Variants in LUZP2 observed in about 807,000 individuals in gnomAD.
LUZP2 encodes leucine zipper protein 2.
LUZP2 carries 52 observed loss-of-function variants against 51.6 expected under a neutral mutation model. The ratio of observed to expected loss-of-function variants is 1.01; its 90% CI spans 0.81 to 1.27. The LOEUF is 1.27. Ranked by LOEUF, LUZP2 falls within the 50% of genes most tolerant of loss-of-function variation. LUZP2 has a pLI of 0.00. For missense variants in LUZP2, 436 were observed against 395.4 expected (o/e 1.10, Z -0.87); for synonymous variants, 154 against 137.3 (o/e 1.12, Z -0.85).
intron 5 of LUZP2, among the ~76,000 whole-genome samples, chr11:24,812,305 G>A (rs1406780343): frequency 6.6e-6 from 1 of 152,120 alleles, no homozygotes. Context: ...ACACAGGTCA[G>A]TTGAAAAGCT....
intron 1 of LUZP2, among the ~76,000 whole-genome samples, chr11:24,577,274 C>T (rs1852682638): frequency 6.6e-6 from 1 of 151,912 alleles, no homozygotes; most frequent in African/African-American, 2.4e-5. Context: ...AAAATTATGA[C>T]TTCATGAAAA....
intron 2 of LUZP2, among the ~76,000 whole-genome samples, chr11:24,730,495 G>A (rs1233844213): frequency 6.6e-6 from 1 of 151,732 alleles, no homozygotes; most frequent in Non-Finnish European, 1.5e-5. Flanking sequence ...TATGATGGAA[G>A]CATGCACAGA....
rs1859479144 is a variant in LUZP2 at position 25,082,452 on chromosome 11, A to C, written c.*3794A>C. The C allele has an allele frequency of 6.6e-6, 1 of 152,614 alleles. No homozygotes were observed. The highest frequency in any genetic ancestry group is 1.5e-5 in the Non-Finnish European group (1 of 68,028). 9.5% of individuals were successfully genotyped at this position (152,614 alleles called of 1,614,324 possible). On this transcript the variant is annotated 3_prime_UTR_variant, in exon 12 of 12. Transcript: ENST00000336930. ...TACCATAGAGTAGGTTGAACTGGCC[A>C]GACCTAGACAATGAAGAAAACACAT...
chr11:25,011,397 T>C (rs1258366784), intron 9 of LUZP2, among the ~76,000 whole-genome samples: 1 of 152,148 alleles, frequency 6.6e-6, no homozygotes, highest in Non-Finnish European at 1.5e-5. Flanking sequence ...GCTCTTCTCA[T>C]ATTTCATCAC....
At chr11:25,046,262 A>T (rs1302162510) in intron 9 of LUZP2, among the ~76,000 whole-genome samples, 1 of 151,798 alleles carries the variant, frequency 6.6e-6, no homozygotes, top group African/African-American at 2.4e-5. Flanking sequence ...TTAGGAAGGT[A>T]GAAGGAAAGA....
intron 1 of LUZP2, among the ~76,000 whole-genome samples, chr11:24,508,918 A>G (rs1850219630): frequency 6.6e-6 from 1 of 152,182 alleles, no homozygotes; most frequent in African/African-American, 2.4e-5. Flanking sequence ...TTTAATAGAC[A>G]TAAGACTCAG....
chr11:24,856,725 C>A (rs894097341), intron 5 of LUZP2, among the ~76,000 whole-genome samples: 4 of 151,948 alleles, frequency 2.6e-5, no homozygotes, highest in East Asian at 1.9e-4. Flanking sequence ...TATGTACACA[C>A]AATGGAATAC....
At chr11:24,961,940 CT>C (rs1855422488) in intron 7 of LUZP2, among the ~76,000 whole-genome samples, 1 of 151,552 alleles carries the variant, frequency 6.6e-6, no homozygotes, top group Admixed American at 6.6e-5. Context: ...TAGGGCAGGC[CT>C]GGTGGTGACA....
intron 7 of LUZP2, among the ~76,000 whole-genome samples, chr11:24,969,920 A>T (rs1486830709): frequency 6.6e-6 from 1 of 152,150 alleles, no homozygotes; most frequent in Non-Finnish European, 1.5e-5. Flanking sequence ...GCGCGCGCAC[A>T]CACACACGCA....
At chr11:24,937,893 T>G (rs993613083) in intron 7 of LUZP2, among the ~76,000 whole-genome samples, 3 of 141,914 alleles carry the variant, frequency 2.1e-5, no homozygotes, top group Non-Finnish European at 4.6e-5. Flanking sequence ...AGGGCAAGAT[T>G]CCCTCTCAAA....
chr11:24,955,300 G>C (rs922139003), intron 7 of LUZP2, among the ~76,000 whole-genome samples: 1 of 151,888 alleles, frequency 6.6e-6, no homozygotes, highest in Non-Finnish European at 1.5e-5. Context: ...CTTATACTGA[G>C]TGTTAAAAAT....
At chr11:24,929,379 C>T (rs1051708716) in intron 7 of LUZP2, among the ~76,000 whole-genome samples, 1 of 152,080 alleles carries the variant, frequency 6.6e-6, no homozygotes, top group Non-Finnish European at 1.5e-5. Context: ...CCTCTTATTA[C>T]TGCCTTTGCT....
At chr11:24,784,226 T>TGG (rs1849174429) in intron 5 of LUZP2, among the ~76,000 whole-genome samples, 1 of 152,022 alleles carries the variant, frequency 6.6e-6, no homozygotes, top group African/African-American at 2.4e-5. Context: ...ATTTATCTTG[T>TGG]TTTTATTCTA....
rs116496497 is a variant in LUZP2, at chr11:24,933,689, T to C, written c.522+19151T>C. Among the ~76,000 whole-genome samples, 891 of 152,294 alleles carry C rather than the reference T, an allele frequency of 5.9e-3. 6 individuals carry two copies. Among genetic ancestry groups the C allele is most frequent in the African/African-American group, 0.02 (844 of 41,574 alleles). On this transcript the variant is annotated intron_variant, in intron 7 of 11. Coordinates refer to ENST00000336930, the MANE Select transcript of LUZP2 (RefSeq NM_001009909.4). ...AGAAGAGTTTGTCAAATGTTTCAGA[T>C]ACTATTTAAATGGCTTGCATACTGT...
chr11:25,037,261 T>C (rs182800724), intron 9 of LUZP2, among the ~76,000 whole-genome samples: 1 of 152,284 alleles, frequency 6.6e-6, no homozygotes, highest in Non-Finnish European at 1.5e-5. Context: ...TTTTATGTGA[T>C]ATAAGAATAG....
At chr11:24,700,231 AT>A (rs1014626244) in intron 1 of LUZP2, among the ~76,000 whole-genome samples, 3 of 151,338 alleles carry the variant, frequency 2.0e-5, no homozygotes, top group African/African-American at 7.3e-5. Flanking sequence ...CTGGCAGATT[AT>A]TTTGTATTTT....
chr11:24,739,122 C>T (rs980260797), intron 4 of LUZP2, among the ~76,000 whole-genome samples: 4 of 151,986 alleles, frequency 2.6e-5, no homozygotes, highest in African/African-American at 9.7e-5. Context: ...AGGGGCCACA[C>T]GGGGAGGCAC....
intron 5 of LUZP2, among the ~76,000 whole-genome samples, chr11:24,805,025 A>C (rs1011501463): frequency 8.9e-6 from 1 of 112,106 alleles, no homozygotes; most frequent in Non-Finnish European, 2.0e-5. Flanking sequence ...TTTTTTTTGT[A>C]TTTTTAGTAG....
chr11:24,827,043 C>G (rs1220936589), intron 5 of LUZP2, among the ~76,000 whole-genome samples: 1 of 151,830 alleles, frequency 6.6e-6, no homozygotes, highest in Non-Finnish European at 1.5e-5. Context: ...AAAAATAAGA[C>G]AGATACAAAT....
Sources: gnomAD v4.1 joint callset for allele counts (sites outside exome capture counted in the v4.1 genomes callset) on GRCh38, gnomAD v4.1.1 for gene constraint, MANE v1.5 for transcripts, NCBI Gene and HGNC (gene_info 2026-07-23, HGNC 2026-07-21) for gene names.